POLR2C: variants seen among roughly 807,000 people sequenced by gnomAD.
The protein encoded by POLR2C is RNA polymerase II subunit C, also known as DNA-directed RNA polymerase II subunit RPB3.
POLR2C carries 36 observed loss-of-function variants against 41.7 expected under a neutral mutation model. The observed-to-expected ratio is 0.86, with a 90% confidence interval of 0.66 to 1.14. The LOEUF (loss-of-function observed/expected upper bound fraction) is 1.14, where lower values mean the gene tolerates loss of function less well. Among genes scored for constraint, POLR2C ranks in the 50% most tolerant of loss-of-function variants. The pLI is 0.00. For synonymous variants in POLR2C, 133 were observed against 137.8 expected (o/e 0.96, Z 0.25); for missense variants, 260 against 350.4 (o/e 0.74, Z 2.06).
chr16:57,465,776 G>A (rs1207179333), intron 2 of POLR2C, 177 bp from the exon 3 acceptor site: 25 of 590,606 alleles, frequency 4.2e-5, no homozygotes, highest in African/African-American at 4.1e-4. Flanking sequence ...GAGGTGAGGT[G>A]TGGTGTGTGT....
At chr16:57,466,111 T>G (rs2030703551) in intron 3 of POLR2C, 64 bp from the exon 4 acceptor site, 2 of 1,472,266 alleles carry the variant, frequency 1.4e-6, no homozygotes, top group African/African-American at 2.8e-5. Context: ...CCCAGAAGGC[T>G]TCTGGGTTCT....
rs2030865514 is a variant in POLR2C at position 57,471,978 on chromosome 16, A to G, written c.*859A>G. 6.5e-6 allele frequency: 1 copy of G among 152,682 alleles called. No individual in the cohort carries two copies. The highest frequency in any genetic ancestry group is 6.5e-5 in the Admixed American group (1 of 15,274). The allele number at this position is 152,682 out of a possible 1,614,324, so 9.5% of individuals were successfully genotyped here. On this transcript the variant is annotated 3_prime_UTR_variant, in exon 9 of 9. Transcript: ENST00000219252. Reference sequence around the variant, plus strand: ...AGAAGTTGTCTTTTTAAAAGTGTTTATTTTTGGCAATAAAGAGCACAACAT... The same window carrying G: ...AGAAGTTGTCTTTTTAAAAGTGTTTGTTTTTGGCAATAAAGAGCACAACAT...
At position 57,471,248 on chromosome 16, in the gene POLR2C, G is replaced by T; in HGVS notation, c.*129G>T. On this transcript the variant is annotated 3_prime_UTR_variant, in exon 9 of 9. Coordinates refer to ENST00000219252, the MANE Select transcript of POLR2C (RefSeq NM_032940.3). Reference sequence around the variant, plus strand: ...GGTTGAGCTTCTTGGCAGGACATCAGTACCAACTAGAAGTGGGTCATAGAT... The same window carrying T: ...GGTTGAGCTTCTTGGCAGGACATCATTACCAACTAGAAGTGGGTCATAGAT... 1 of 757,074 alleles carries T rather than the reference G, an allele frequency of 1.3e-6. No homozygotes were observed. Among genetic ancestry groups the T allele is most frequent in the Non-Finnish European group, 2.2e-6 (1 of 452,040 alleles). 46.9% of individuals were successfully genotyped at this position (757,074 alleles called of 1,614,324 possible).
At chr16:57,463,159 C>T in intron 2 of POLR2C, 81 bp downstream of exon 2, 1 of 1,128,534 alleles carries the variant, frequency 8.9e-7, no homozygotes. Context: ...GGGCTCCTTC[C>T]AGTCCTTGGT....
intron 2 of POLR2C, 79 bp downstream of exon 2, chr16:57,463,157 T>TC (rs1769236262): frequency 8.7e-7 from 1 of 1,145,248 alleles, no homozygotes; most frequent in Non-Finnish European, 1.3e-6. Flanking sequence ...TGGGGCTCCT[T>TC]CCAGTCCTTG....
Position 57,471,868 on chromosome 16 carries a change from A to G in POLR2C, c.*749A>G, listed in dbSNP as rs1290435311. The G allele has an allele frequency of 6.6e-6, 1 of 152,582 alleles. No homozygotes were observed. The highest frequency in any genetic ancestry group is 2.4e-5 in the African/African-American group (1 of 41,468). 9.5% of individuals were successfully genotyped at this position (152,582 alleles called of 1,614,324 possible). A position where few individuals can be genotyped will look rare whatever the true frequency, so the allele number is the denominator to read the frequency against. On this transcript the variant is annotated 3_prime_UTR_variant, in exon 9 of 9. Coordinates refer to ENST00000219252, the MANE Select transcript of POLR2C (RefSeq NM_032940.3). ...TAACCCCTCAGCACTGTCTCCAGAT[A>G]GGAACATGCACAAAGCAGTTAATTA...
intron 2 of POLR2C, among the ~76,000 whole-genome samples, chr16:57,464,718 C>T (rs866796601): frequency 7.0e-6 from 1 of 141,882 alleles, no homozygotes; most frequent in Non-Finnish European, 1.5e-5. Context: ...TGGACCTCCC[C>T]CTGCCTAAGC....
chr16:57,464,965 A>G (rs113912769), intron 2 of POLR2C, among the ~76,000 whole-genome samples: 6 of 152,206 alleles, frequency 3.9e-5, no homozygotes, highest in African/African-American at 7.2e-5. Context: ...CACTATGACA[A>G]GTGTCTTGAG....
At chr16:57,463,181 G>T in intron 2 of POLR2C, 103 bp downstream of exon 2, 1 of 966,330 alleles carries the variant, frequency 1.0e-6, no homozygotes, top group Non-Finnish European at 1.7e-6. Flanking sequence ...CGGGCTGAGG[G>T]TGGTAGTGCT....
chr16:57,471,240 G>C lies in POLR2C; in HGVS notation c.*121G>C, dbSNP rs552143046. 1.1e-5 allele frequency: 9 copies of C among 824,602 alleles called. No homozygotes were observed. In the East Asian group the frequency reaches 2.3e-4, roughly 21 times the overall value. The allele number at this position is 824,602 out of a possible 1,614,324, so 51.1% of individuals were successfully genotyped here. A position where few individuals can be genotyped will look rare whatever the true frequency, so the allele number is the denominator to read the frequency against. ...CTACTGTTGGTTGAGCTTCTTGGCAGGACATCAGTACCAACTAGAAGTGGG... is the reference window on the plus strand; with the variant it reads ...CTACTGTTGGTTGAGCTTCTTGGCACGACATCAGTACCAACTAGAAGTGGG... On this transcript the variant is annotated 3_prime_UTR_variant, in exon 9 of 9. Coordinates refer to ENST00000219252, the MANE Select transcript of POLR2C (RefSeq NM_032940.3).
chr16:57,466,073 C>T, intron 3 of POLR2C, 52 bp downstream of exon 3: 1 of 1,414,574 alleles, frequency 7.1e-7, no homozygotes, highest in Non-Finnish European at 1.0e-6. Context: ...TGCCTAGTGT[C>T]AGGAGGGGGC....
chr16:57,465,848 T>G (rs1010914069), intron 2 of POLR2C, 105 bp from the exon 3 acceptor site: 2 of 778,316 alleles, frequency 2.6e-6, no homozygotes, highest in Non-Finnish European at 4.6e-6. Context: ...AGCCCAGCAA[T>G]CTGCAGTTTA....
Position 57,469,243 on chromosome 16 carries a change from C to G in POLR2C, c.337C>G (p.Arg113Gly). ...LDVRCNEDQT[R>G]HVTSRDLISN... ...TGTGCGGTGCAATGAAGACCAGACGCGACATGTCACGTCTCGAGACCTCAT... is the reference window on the plus strand; with the variant it reads ...TGTGCGGTGCAATGAAGACCAGACGGGACATGTCACGTCTCGAGACCTCAT... Residue 113 changes from arginine to glycine, a missense_variant, in exon 5 of 9, where the codon CGA (arginine) becomes GGA (glycine). Arg to Gly is a moderately radical substitution (Grantham distance 125, BLOSUM62 -2). Coordinates refer to ENST00000219252, the MANE Select transcript of POLR2C (RefSeq NM_032940.3). The surrounding 1 kb of genome is among the most constrained non-coding windows in gnomAD (Gnocchi z 5.8). The G allele has an allele frequency of 6.2e-7, 1 of 1,614,026 alleles. No homozygotes were observed. The highest frequency in any genetic ancestry group is 8.5e-7 in the Non-Finnish European group (1 of 1,179,876).
chr16:57,470,857 A>C (rs909106289), intron 8 of POLR2C, 118 bp from the exon 9 acceptor site: 2 of 959,570 alleles, frequency 2.1e-6, no homozygotes, highest in South Asian at 3.1e-5. Flanking sequence ...CCCTGGCCCA[A>C]GGTCAAGTTC....
rs138853195 is a variant in POLR2C at position 57,469,605 on chromosome 16, G to A, written c.388-105G>A. The A allele has an allele frequency of 3.7e-5, 37 of 999,280 alleles. No individual in the cohort carries two copies. Among genetic ancestry groups the A allele is most frequent in the Admixed American group, 7.3e-5 (4 of 54,740 alleles). 61.9% of individuals were successfully genotyped at this position (999,280 alleles called of 1,614,324 possible). A position where few individuals can be genotyped will look rare whatever the true frequency, so the allele number is the denominator to read the frequency against. The stretch of plus-strand genomic sequence containing the variant: ...TGTGCCACCACCTCGTCAGGTGTTC[G>A]TTCCCTGGTTGACAGATTGCAGTCT... On this transcript the variant is annotated intron_variant, in intron 5 of 8. Coordinates refer to ENST00000219252, the MANE Select transcript of POLR2C (RefSeq NM_032940.3). This position sits in a 1 kb window ranked among gnomAD's most constrained non-coding sequence, Gnocchi z 5.8.
Position 57,471,760 on chromosome 16 carries a change from G to GGTGGGGGTGGGT in POLR2C, c.*645_*646insGGGTGGGTGTGG, listed in dbSNP as rs2030854537. 1 of 145,690 alleles carries GGTGGGGGTGGGT rather than the reference G, an allele frequency of 6.9e-6. No individual in the cohort carries two copies. The highest frequency in any genetic ancestry group is 2.3e-4 in the South Asian group (1 of 4,352). The allele number at this position is 145,690 out of a possible 1,614,324, so 9.0% of individuals were successfully genotyped here. On this transcript the variant is annotated 3_prime_UTR_variant, in exon 9 of 9. Transcript: ENST00000219252. Reference sequence around the variant, plus strand: ...TGGTGGGGGTGGGGGTGGGGGTGGGGGTGGAAGCAGCCGCAGGAGCAAGGG... The same window carrying GGTGGGGGTGGGT: ...TGGTGGGGGTGGGGGTGGGGGTGGGGGTGGGGGTGGGTGTGGAAGCAGCCGCAGGAGCAAGGG...
chr16:57,470,416 C>A, intron 8 of POLR2C, 62 bp downstream of exon 8: 2 of 1,293,208 alleles, frequency 1.5e-6, no homozygotes, highest in Non-Finnish European at 2.2e-6. Context: ...TTGGTTCAGG[C>A]CGTGAGTTAG....
In POLR2C at chr16:57,471,861, T is replaced by A. The variant is rs1223288548; in HGVS notation, c.*742T>A. 3.9e-5 allele frequency: 6 copies of A among 152,374 alleles called. No homozygotes were observed. Among genetic ancestry groups the A allele is most frequent in the African/African-American group, 1.4e-4 (6 of 41,382 alleles). The allele number at this position is 152,374 out of a possible 1,614,324, so 9.4% of individuals were successfully genotyped here. On this transcript the variant is annotated 3_prime_UTR_variant, in exon 9 of 9. Transcript: ENST00000219252. ...CTGGCCCTAACCCCTCAGCACTGTCTCCAGATAGGAACATGCACAAAGCAG... is the reference window on the plus strand; with the variant it reads ...CTGGCCCTAACCCCTCAGCACTGTCACCAGATAGGAACATGCACAAAGCAG...
At chr16:57,470,927 G>T in intron 8 of POLR2C, 48 bp from the exon 9 acceptor site, 6 of 1,598,802 alleles carry the variant, frequency 3.8e-6, no homozygotes, top group Non-Finnish European at 5.1e-6. Flanking sequence ...CAGAGCTCGG[G>T]TCGGCCAGCC....
Sources: allele counts gnomAD v4.1 joint callset (sites outside exome capture counted in the v4.1 genomes callset), GRCh38; gene constraint gnomAD v4.1.1; non-coding constraint Gnocchi (gnomAD v3.1); transcripts MANE v1.5; gene names NCBI Gene and HGNC (gene_info 2026-07-23, HGNC 2026-07-21).